IFT57: variants seen among roughly 807,000 people sequenced by gnomAD.
IFT57 encodes intraflagellar transport protein 57 homolog.
In IFT57, 59 loss-of-function variants were observed where a neutral mutation model predicts 56.8. The ratio of observed to expected loss-of-function variants is 1.04; its 90% confidence interval spans 0.84 to 1.29. IFT57 has a LOEUF of 1.29. IFT57 is among the 50% of genes most tolerant of loss of function. The probability of loss-of-function intolerance (pLI) is 0.00; values close to 1 mark genes in which losing one functional copy is unlikely to be tolerated. For synonymous variants in IFT57, 209 were observed against 186.1 expected (o/e 1.12, Z -1.00); for missense variants, 470 against 522.1 (o/e 0.90, Z 0.97).
chr3:108,219,524 A>G lies in IFT57; in HGVS notation c.261T>C (p.Phe87=). The G allele has an allele frequency of 6.2e-7, 1 of 1,614,054 alleles. No homozygotes were observed. The highest frequency in any genetic ancestry group is 8.5e-7 in the Non-Finnish European group (1 of 1,179,906). ...TAATCAACCAAGCAGCAAGAGTACA[A>G]AACATGTAGAACTGTTCGCCAGGGT... ...PTNPGEQFYM[F]CTLAAWLINK... is the part of the protein sequence containing the mutation. Residue 87 remains phenylalanine (F), a synonymous_variant, in exon 2 of 11, where the codon TTT becomes TTC. Transcript: ENST00000264538.
rs1247236906 is a variant in IFT57 at position 108,161,952 on chromosome 3, A to C, written c.*525T>G. ...AAATATTCATAAGAAACCAACTTCA[A>C]ATGTTAATGAGGATACTGAAGTTTT... is the stretch of plus-strand genomic sequence containing the variant. On this transcript the variant is annotated 3_prime_UTR_variant, in exon 11 of 11. Coordinates refer to ENST00000264538, the MANE Select transcript of IFT57 (RefSeq NM_018010.4). The C allele has an allele frequency of 6.6e-6, 1 of 152,010 alleles. No homozygotes were observed. Among genetic ancestry groups the C allele is most frequent in the Non-Finnish European group, 1.5e-5 (1 of 67,988 alleles). The allele number at this position is 152,010 out of a possible 1,614,324, so 9.4% of individuals were successfully genotyped here. A position where few individuals can be genotyped will look rare whatever the true frequency, so the allele number is the denominator to read the frequency against.
In IFT57 at chr3:108,162,561, G is replaced by T; in HGVS notation, c.1206C>A (p.Leu402=). 1 of 1,612,792 alleles carries T rather than the reference G, an allele frequency of 6.2e-7. No homozygotes were observed. The highest frequency in any genetic ancestry group is 8.5e-7 in the Non-Finnish European group (1 of 1,179,154). The part of the protein sequence containing the change: ...IRIGIVEHTL[L]QSKLKEKSNM... ...TGGACTTCTCCTTCAGCTTTGATTG[G>T]AGTAGTGTGTGTTCCACAATGCCAA... Residue 402 remains leucine, a synonymous_variant, in exon 11 of 11, where the codon CTC becomes CTA. Coordinates refer to ENST00000264538, the MANE Select transcript of IFT57 (RefSeq NM_018010.4).
Position 108,191,514 on chromosome 3 carries a change from T to G in IFT57, c.777+7A>C, listed in dbSNP as rs1004533497. On this transcript the variant is annotated splice_region_variant and intron_variant, in intron 6 of 10. Coordinates refer to ENST00000264538, the MANE Select transcript of IFT57 (RefSeq NM_018010.4). ...TTTTTTAAGAAAATGTGTTCCCACT[T>G]TGATACCTTATTGTCAGTCCTAATC... 1 of 1,561,166 alleles carries G rather than the reference T, an allele frequency of 6.4e-7. No homozygotes were observed. Among genetic ancestry groups the G allele is most frequent in the African/African-American group, 1.4e-5 (1 of 72,210 alleles).
In IFT57 at chr3:108,219,618, A is replaced by G. The variant is rs757339347; in HGVS notation, c.213-46T>C. The G allele has an allele frequency of 7.6e-6, 12 of 1,580,010 alleles. No homozygotes were observed. The South Asian group carries it at 1.2e-4, about 16-fold the overall frequency. On this transcript the variant is annotated intron_variant, in intron 1 of 10. Coordinates refer to ENST00000264538, the MANE Select transcript of IFT57 (RefSeq NM_018010.4). ...ATGGGGGCGGATGTGAAATAATGCA[A>G]ATAAGTCTATAATAACTAATAGGGC...
intron 6 of IFT57, among the ~76,000 whole-genome samples, chr3:108,185,551 ATTTTTTTTTT>A (rs1179200943): frequency 4.6e-5 from 4 of 87,320 alleles, no homozygotes; most frequent in Non-Finnish European, 6.4e-5. Context: ...GAGCACTAGG[ATTTTTTTTTT>A]TTTTTTTTTT....
chr3:108,182,484 C>A (rs980615022), intron 6 of IFT57, among the ~76,000 whole-genome samples: 1 of 152,060 alleles, frequency 6.6e-6, no homozygotes, highest in African/African-American at 2.4e-5. Flanking sequence ...ACTAGAGAGG[C>A]CCAGGGGTTC....
intron 4 of IFT57, among the ~76,000 whole-genome samples, chr3:108,210,871 T>C (rs985065003): frequency 6.6e-6 from 1 of 152,200 alleles, no homozygotes; most frequent in Non-Finnish European, 1.5e-5. Flanking sequence ...TTTGCTCTTA[T>C]GATAGTAGAA....
Position 108,218,587 on chromosome 3 carries a change from G to C in IFT57, c.442C>G (p.Leu148Val). Residue 148 changes from leucine (L) to valine (V), a missense_variant, in exon 3 of 11, where the codon CTT becomes GTT. By Grantham distance (32) the Leu-to-Val change is conservative (BLOSUM62 1). Transcript: ENST00000264538. Reference sequence around the variant, plus strand: ...AATGCTTCTTCAGCGAAGCAATCAAGAACATAGCATACATGTTCTCCATAA... The same window carrying C: ...AATGCTTCTTCAGCGAAGCAATCAACAACATAGCATACATGTTCTCCATAA... Reference protein sequence around the residue: ...SGYGEHVCYVLDCFAEEALKY... With the variant: ...SGYGEHVCYVVDCFAEEALKY... The C allele has an allele frequency of 2.5e-6, 4 of 1,570,638 alleles. No individual in the cohort carries two copies. The highest frequency in any genetic ancestry group is 3.4e-6 in the Non-Finnish European group (4 of 1,161,996).
intron 5 of IFT57, among the ~76,000 whole-genome samples, chr3:108,196,957 A>G (rs2080247699): frequency 6.6e-6 from 1 of 152,194 alleles, no homozygotes; most frequent in South Asian, 2.1e-4. Flanking sequence ...ATACTTTGAG[A>G]AAATTTTTCT....
At chr3:108,204,659 C>T (rs982019407) in intron 5 of IFT57, among the ~76,000 whole-genome samples, 3 of 152,188 alleles carry the variant, frequency 2.0e-5, no homozygotes, top group Non-Finnish European at 4.4e-5. Flanking sequence ...TCATCTCCAA[C>T]ACACACATTA....
At chr3:108,206,080 TATAA>T (rs1415363530) in intron 5 of IFT57, among the ~76,000 whole-genome samples, 2 of 131,872 alleles carry the variant, frequency 1.5e-5, no homozygotes, top group African/African-American at 2.8e-5. Context: ...ATATATTATA[TATAA>T]ATAATATATA....
rs200227143 is a variant in IFT57, at chr3:108,167,814, T to G, written c.828A>C (p.Glu276Asp). ...ATACCTTGGTCTCCTTTAGAGCAGA[T>G]TCAATTCCACTTCTGTGCTGGTGCA... ...DQMHQHRSGI[E>D]SALKETKGFL... The change falls in exon 7 of 11, where the codon GAA becomes GAC. Residue 276 changes from glutamate (E) to aspartate (D), a missense_variant. Glu to Asp is a conservative substitution (Grantham distance 45). Transcript: ENST00000264538. The G allele has an allele frequency of 4.0e-5, 63 of 1,591,250 alleles. No homozygotes were observed. In the East Asian group the frequency reaches 1.3e-3, roughly 34 times the overall value.
chr3:108,202,477 A>C (rs1391810020), intron 5 of IFT57, among the ~76,000 whole-genome samples: 1 of 152,208 alleles, frequency 6.6e-6, no homozygotes, highest in Non-Finnish European at 1.5e-5. Context: ...CAGAACTTTA[A>C]TTCGGCACCA....
At chr3:108,167,626 C>T (rs1356283316) in intron 7 of IFT57, among the ~76,000 whole-genome samples, 167 bp downstream of exon 7, 1 of 150,658 alleles carries the variant, frequency 6.6e-6, no homozygotes, top group African/African-American at 2.4e-5. Flanking sequence ...AGTTAGCTTT[C>T]TTTAGTTGGT....
chr3:108,163,522 G>T, intron 10 of IFT57, 141 bp downstream of exon 10: 1 of 602,186 alleles, frequency 1.7e-6, no homozygotes, highest in Non-Finnish European at 3.0e-6. Flanking sequence ...CTGATTATCA[G>T]ACATTTTTGT....
chr3:108,189,774 TTAAC>T (rs2080204708), intron 6 of IFT57, among the ~76,000 whole-genome samples: 2 of 152,146 alleles, frequency 1.3e-5, no homozygotes, highest in South Asian at 2.1e-4. Context: ...CCTCAAAAAT[TTAAC>T]TAACAGCTTA....
At chr3:108,205,916 ATAT>A (rs1239523032) in intron 5 of IFT57, among the ~76,000 whole-genome samples, 3 of 128,174 alleles carry the variant, frequency 2.3e-5, no homozygotes, top group East Asian at 2.4e-4. Context: ...ATATTAATAT[ATAT>A]TATTTATAAT....
At chr3:108,216,424 T>C (rs1283124262) in intron 3 of IFT57, among the ~76,000 whole-genome samples, 1 of 152,132 alleles carries the variant, frequency 6.6e-6, no homozygotes. Context: ...CACGATATCA[T>C]CTCACCCCAG....
At position 108,178,841 on chromosome 3, in the gene IFT57, C is replaced by T. The variant is rs142827583; in HGVS notation, c.778-10977G>A. ...AAAATTTATTTGGCAGAGTCTACTA[C>T]AGCTGATCACATACTTACACCATGA... On this transcript the variant is annotated intron_variant, in intron 6 of 10. Transcript: ENST00000264538. 4.6e-3 allele frequency among the ~76,000 whole-genome samples: 705 copies of T among 151,968 alleles called. 3 individuals carry two copies. Among genetic ancestry groups the T allele is most frequent in the African/African-American group, 0.016 (668 of 41,484 alleles).
Sources: allele counts gnomAD v4.1 joint callset (sites outside exome capture counted in the v4.1 genomes callset), GRCh38; gene constraint gnomAD v4.1.1; transcripts MANE v1.5; gene names NCBI Gene and HGNC (gene_info 2026-07-23, HGNC 2026-07-21).